RBPJ: variants seen among roughly 807,000 people sequenced by gnomAD.
RBPJ encodes recombination signal binding protein for immunoglobulin kappa J region, also known as recombining binding protein suppressor of hairless.
Under a neutral mutation model 67.8 loss-of-function variants are expected in RBPJ, and 9 were observed. The observed-to-expected ratio is 0.13, with a 90% CI of 0.08 to 0.23. The LOEUF (loss-of-function observed/expected upper bound fraction) is 0.23, where lower values mean the gene tolerates loss of function less well. Among genes scored for constraint, RBPJ ranks in the 10% least tolerant of loss-of-function variants. The pLI, the probability that RBPJ is intolerant of heterozygous loss-of-function variation, is 1.00. For missense variants in RBPJ, 305 were observed against 595.6 expected, an observed-to-expected ratio of 0.51 and a Z score of 5.08; for synonymous variants, 198 against 203.3, an observed-to-expected ratio of 0.97 and a Z score of 0.22.
chr4:26,280,286 C>T (rs1222497452), intron 1 of RBPJ, among the ~76,000 whole-genome samples: 2 of 151,228 alleles, frequency 1.3e-5, no homozygotes, highest in East Asian at 4.0e-4. Context: ...ATCCCAGCTA[C>T]TCAGGAGGCT....
chr4:26,198,404 C>A (rs1316465253), intron 1 of RBPJ, among the ~76,000 whole-genome samples: 1 of 152,170 alleles, frequency 6.6e-6, no homozygotes, highest in Non-Finnish European at 1.5e-5. Flanking sequence ...ATTGCTGTAT[C>A]TCCACCTTCT....
At chr4:26,342,556 A>C (rs558904383) in intron 1 of RBPJ, among the ~76,000 whole-genome samples, 1 of 152,312 alleles carries the variant, frequency 6.6e-6, no homozygotes, top group African/African-American at 2.4e-5. Context: ...TGGTTAACTT[A>C]GTCATCTGAC....
chr4:26,376,638 A>G lies in RBPJ; in HGVS notation c.21-9715A>G, dbSNP rs542439499. On this transcript the variant is annotated intron_variant, in intron 1 of 10. Transcript: ENST00000355476. ...ATTCCAGCTTCTGTTTTTTCTGAGT[A>G]TATGCTCAGGAGTGGAACTGATGGA... 3.3e-5 allele frequency among the ~76,000 whole-genome samples: 5 copies of G among 152,274 alleles called. No homozygotes were observed. The South Asian group carries it at 6.2e-4, about 19-fold the overall frequency.
intron 8 of RBPJ, among the ~76,000 whole-genome samples, chr4:26,429,231 A>G (rs1735975988): frequency 1.3e-5 from 2 of 152,266 alleles, no homozygotes; most frequent in Non-Finnish European, 2.9e-5. Context: ...AAGGCTCAAA[A>G]TCTCATCAGA....
Position 26,268,100 on chromosome 4 carries a change from G to A in RBPJ, c.-166-94346G>A, listed in dbSNP as rs941876755. 9.9e-5 allele frequency among the ~76,000 whole-genome samples: 15 copies of A among 151,908 alleles called. 1 individual carries two copies. Among genetic ancestry groups the A allele is most frequent in the East Asian group, 9.6e-4 (5 of 5,196 alleles). ...AATCTAAATTTCCTAACAATTAGTC[G>A]TGTAGGATCTGTAAGTTGTTTTGAT... On this transcript the variant is annotated intron_variant, in intron 1 of 4. Coordinates refer to the RBPJ transcript ENST00000512351.
At chr4:26,190,983 T>TA (rs1717466111) in intron 1 of RBPJ, among the ~76,000 whole-genome samples, 1 of 150,174 alleles carries the variant, frequency 6.7e-6, no homozygotes, top group South Asian at 2.2e-4. Context: ...TCGTCTCTAC[T>TA]AAAAGTCAAC....
At chr4:26,312,185 G>A (rs1348769263) in intron 1 of RBPJ, among the ~76,000 whole-genome samples, 1 of 151,428 alleles carries the variant, frequency 6.6e-6, no homozygotes, top group African/African-American at 2.4e-5. Context: ...AGGCTGGAGT[G>A]CAGTGGCACG....
chr4:26,202,849 C>A (rs767916281), intron 1 of RBPJ, among the ~76,000 whole-genome samples: 58 of 151,650 alleles, frequency 3.8e-4, no homozygotes, highest in Non-Finnish European at 7.7e-4. Context: ...GTGGAGGTTG[C>A]AGTGAGCTGA....
rs116223909 is a variant in RBPJ, at chr4:26,228,325, T to A, written c.-167+64711T>A. Among the ~76,000 whole-genome samples, 396 of 152,304 alleles carry A rather than the reference T, an allele frequency of 2.6e-3. 2 individuals carry two copies. Among genetic ancestry groups the A allele is most frequent in the African/African-American group, 8.9e-3 (372 of 41,566 alleles). ...CCTTTTTGTGTTTGGGTTATTCCTT[T>A]TAAAATACAAACCCAAGCATGCTAT... On this transcript the variant is annotated intron_variant, in intron 1 of 4. Transcript: ENST00000512351.
At chr4:26,122,259 C>T in the RBPJ span, among the ~76,000 whole-genome samples, 2 of 152,132 alleles carry the variant, frequency 1.3e-5, no homozygotes, top group Non-Finnish European at 2.9e-5. Flanking sequence ...CTAGATCAAG[C>T]CATATCTGAT....
chr4:26,296,518 C>T (rs534846182), intron 1 of RBPJ, among the ~76,000 whole-genome samples: 16 of 152,250 alleles, frequency 1.1e-4, no homozygotes, highest in African/African-American at 1.4e-4. Context: ...ATGATTTATT[C>T]GCCGCTCTAT....
the RBPJ span, among the ~76,000 whole-genome samples, chr4:26,127,792 G>A: frequency 6.6e-6 from 1 of 152,150 alleles, no homozygotes; most frequent in Non-Finnish European, 1.5e-5. Flanking sequence ...TGTACACAGA[G>A]ACATGAGATA....
chr4:26,251,392 A>G (rs1263068575), intron 1 of RBPJ, among the ~76,000 whole-genome samples: 6 of 152,034 alleles, frequency 3.9e-5, no homozygotes, highest in African/African-American at 1.2e-4. Context: ...TCCCAGCCCC[A>G]TGGGAGGCCG....
In RBPJ at chr4:26,244,397, GCA is replaced by G. The variant is rs56875826; in HGVS notation, c.-167+80786_-167+80787del. Among the ~76,000 whole-genome samples, 7 of 1,360 alleles carry G rather than the reference GCA, an allele frequency of 5.1e-3. 2 individuals carry two copies. Among genetic ancestry groups the G allele is most frequent in the African/African-American group, 6.8e-3 (3 of 438 alleles). The allele number at this position is 1,360 out of a possible 152,430, so 0.9% of individuals were successfully genotyped here. A position where few individuals can be genotyped will look rare whatever the true frequency, so the allele number is the denominator to read the frequency against. On this transcript the variant is annotated intron_variant, in intron 1 of 4. Transcript: ENST00000512351. ...TGTACACGTGTGTGTATATATGTAT[GCA>G]CATATGTGTGTATACATATGTGTGT...
At chr4:26,300,037 G>A (rs1273876746) in intron 1 of RBPJ, among the ~76,000 whole-genome samples, 1 of 152,112 alleles carries the variant, frequency 6.6e-6, no homozygotes, top group Non-Finnish European at 1.5e-5. Context: ...GTTTTTGGAG[G>A]AGTGGAAATG....
At chr4:26,162,066 A>G (rs936942081), upstream of RBPJ, among the ~76,000 whole-genome samples, 5 of 152,236 alleles carry the variant, frequency 3.3e-5, no homozygotes, top group Admixed American at 6.5e-5. Context: ...GACTCTGCCA[A>G]CAAGCAAGGA....
intron 1 of RBPJ, among the ~76,000 whole-genome samples, chr4:26,286,025 C>T (rs1175751094): frequency 2.0e-5 from 3 of 152,186 alleles, no homozygotes; most frequent in Non-Finnish European, 2.9e-5. Context: ...TTGCTTGAGC[C>T]CAGGAATTCA....
At chr4:26,406,693 C>G (rs7349722) in intron 3 of RBPJ, among the ~76,000 whole-genome samples, 1 of 152,026 alleles carries the variant, frequency 6.6e-6, no homozygotes, top group Non-Finnish European at 1.5e-5. Flanking sequence ...TGATTTGCTA[C>G]TAACATAAAA....
At chr4:26,359,688 G>GCC (rs1727832575) in intron 1 of RBPJ, 1 of 151,972 alleles carries the variant, frequency 6.6e-6, no homozygotes, top group Admixed American at 6.5e-5. Context: ...AGGGATGGTG[G>GCC]CCGAGCGGGC....
Sources: gnomAD v4.1 joint callset for allele counts (sites outside exome capture counted in the v4.1 genomes callset) on GRCh38, gnomAD v4.1.1 for gene constraint, MANE v1.5 for transcripts, NCBI Gene and HGNC (gene_info 2026-07-23, HGNC 2026-07-21) for gene names.